The following TBC1D9 variants were observed in gnomAD, a reference collection of about 807,000 sequenced individuals.
TBC1D9 encodes TBC1 domain family member 9, also known as TBC1 domain family member 9A.
TBC1D9 carries 63 observed loss-of-function variants against 132.0 expected under a neutral mutation model. The observed-to-expected ratio is 0.48, with a 90% CI of 0.39 to 0.59. TBC1D9 has a LOEUF of 0.59. Ranked by LOEUF, TBC1D9 falls within the 20% of genes least tolerant of loss-of-function variation. The probability of loss-of-function intolerance (pLI) is 0.00; values close to 1 mark genes in which losing one functional copy is unlikely to be tolerated. For synonymous variants in TBC1D9, 610 were observed against 609.9 expected (o/e 1.00, Z 0.00); for missense variants, 1,261 against 1,592.7 (o/e 0.79, Z 3.54).
At chr4:140,684,424 T>C (rs1476620232) in intron 3 of TBC1D9, among the ~76,000 whole-genome samples, 1 of 152,118 alleles carries the variant, frequency 6.6e-6, no homozygotes, top group Non-Finnish European at 1.5e-5. Flanking sequence ...ATGTGAATGC[T>C]TAAACCATTC....
intron 5 of TBC1D9, among the ~76,000 whole-genome samples, chr4:140,678,382 C>T (rs1484433114): frequency 6.6e-6 from 1 of 152,158 alleles, no homozygotes; most frequent in Non-Finnish European, 1.5e-5. Flanking sequence ...AGGGTAATTC[C>T]AGGCACATGG....
chr4:140,678,866 A>T (rs962495920), intron 5 of TBC1D9, 76 bp downstream of exon 5: 7 of 1,506,776 alleles, frequency 4.6e-6, no homozygotes, highest in Non-Finnish European at 6.3e-6. Context: ...ATCGTCAGAG[A>T]AGGTTACACT....
intron 3 of TBC1D9, among the ~76,000 whole-genome samples, chr4:140,685,105 A>G (rs1170655646): frequency 6.6e-6 from 1 of 152,180 alleles, no homozygotes; most frequent in African/African-American, 2.4e-5. Flanking sequence ...TAAAATCACC[A>G]TCTTGTAAAC....
intron 2 of TBC1D9, among the ~76,000 whole-genome samples, chr4:140,687,391 T>C (rs1240983200): frequency 3.7e-5 from 3 of 80,328 alleles, no homozygotes; most frequent in Non-Finnish European, 7.3e-5. Flanking sequence ...TATATATATA[T>C]ATATAAACAT....
chr4:140,679,841 G>T lies in TBC1D9; in HGVS notation c.363C>A (p.Gly121=). The T allele has an allele frequency of 6.2e-7, 1 of 1,609,432 alleles. No individual in the cohort carries two copies. The highest frequency in any genetic ancestry group is 8.5e-7 in the Non-Finnish European group (1 of 1,177,400). Residue 121 remains glycine, a splice_region_variant and synonymous_variant, in exon 4 of 21, where the codon GGC becomes GGA. Coordinates refer to ENST00000442267, the MANE Select transcript of TBC1D9 (RefSeq NM_015130.3). Reference sequence around the variant, plus strand: ...TGATTTTGTTGTATTCTGCAATGATGCCCTAATAAGGAATAAAACACAAAG... The same window carrying T: ...TGATTTTGTTGTATTCTGCAATGATTCCCTAATAAGGAATAAAACACAAAG... ...ITTFVRGKIQ[G]IIAEYNKIND...
intron 1 of TBC1D9, among the ~76,000 whole-genome samples, chr4:140,722,265 AAG>A (rs887871957): frequency 6.6e-6 from 1 of 152,056 alleles, no homozygotes; most frequent in African/African-American, 2.4e-5. Context: ...CCATTAATGA[AAG>A]AGGGGGAAAA....
chr4:140,663,025 G>A (rs1737388599), intron 9 of TBC1D9, among the ~76,000 whole-genome samples: 1 of 152,118 alleles, frequency 6.6e-6, no homozygotes, highest in African/African-American at 2.4e-5. Context: ...GACACCAATA[G>A]CACGGGCAGC....
intron 16 of TBC1D9, 62 bp from the exon 17 acceptor site, chr4:140,628,427 G>A (rs1736741560): frequency 6.9e-7 from 1 of 1,444,196 alleles, no homozygotes; most frequent in Non-Finnish European, 9.7e-7. Flanking sequence ...TCCAGGCCTA[G>A]TGTTCCTCTA....
chr4:140,675,356 A>C (rs1162106168), intron 6 of TBC1D9, among the ~76,000 whole-genome samples: 1 of 152,220 alleles, frequency 6.6e-6, no homozygotes, highest in Non-Finnish European at 1.5e-5. Context: ...TCCTTTGCTA[A>C]AGGGATGTTA....
intron 3 of TBC1D9, among the ~76,000 whole-genome samples, chr4:140,684,750 A>G (rs928656874): frequency 6.6e-6 from 1 of 151,208 alleles, no homozygotes. Flanking sequence ...GAATTGCTTG[A>G]ACCCAGGAGG....
chr4:140,644,670 C>T (rs571450718), intron 13 of TBC1D9: 10 of 421,012 alleles, frequency 2.4e-5, no homozygotes, highest in South Asian at 1.8e-4. Flanking sequence ...GGGCCGCCCG[C>T]TGCTGCAGGT....
intron 13 of TBC1D9, chr4:140,642,407 C>A (rs991989648): frequency 1.8e-5 from 16 of 869,002 alleles, no homozygotes; most frequent in Non-Finnish European, 2.7e-5. Context: ...AGGCCCTTGG[C>A]CAGCACCTTC....
intron 1 of TBC1D9, among the ~76,000 whole-genome samples, chr4:140,722,188 G>A (rs993987077): frequency 6.6e-6 from 1 of 152,098 alleles, no homozygotes; most frequent in Non-Finnish European, 1.5e-5. Flanking sequence ...CAAATGGCAT[G>A]GAAACAAGGA....
chr4:140,681,087 C>T (rs752555066), intron 3 of TBC1D9, among the ~76,000 whole-genome samples: 5 of 152,136 alleles, frequency 3.3e-5, no homozygotes, highest in East Asian at 1.9e-4. Flanking sequence ...CAACCAATGC[C>T]GCAACTTTTT....
intron 16 of TBC1D9, 146 bp downstream of exon 16, chr4:140,633,802 C>T: frequency 1.1e-6 from 1 of 904,146 alleles, no homozygotes; most frequent in Non-Finnish European, 1.6e-6. Flanking sequence ...AACGATTTAT[C>T]CATATACTAT....
intron 13 of TBC1D9, among the ~76,000 whole-genome samples, chr4:140,641,290 G>T (rs1471876620): frequency 6.6e-6 from 1 of 152,134 alleles, no homozygotes; most frequent in Non-Finnish European, 1.5e-5. Flanking sequence ...CTTTTGATCT[G>T]AGTAAACAGT....
intron 13 of TBC1D9, chr4:140,643,366 G>A (rs1578820819): frequency 7.7e-7 from 1 of 1,297,530 alleles, no homozygotes; most frequent in East Asian, 2.5e-5. Flanking sequence ...CCTGGGGAGG[G>A]CAGAGGCCTG....
In TBC1D9 at chr4:140,642,768, G is replaced by A. The variant is rs111881091; in HGVS notation, c.2338-3340C>T. ...CCCAGCTCATAGTCATCTGATGTCG[G>A]CAGAGATTTGCTGCTCAGCTTTCCG... On this transcript the variant is annotated intron_variant, in intron 13 of 20. Coordinates refer to ENST00000442267, the MANE Select transcript of TBC1D9 (RefSeq NM_015130.3). 20 of 640,988 alleles carry A rather than the reference G, an allele frequency of 3.1e-5. 1 individual carries two copies. Among genetic ancestry groups the A allele is most frequent in the African/African-American group, 2.0e-4 (11 of 55,002 alleles). 39.7% of individuals were successfully genotyped at this position (640,988 alleles called of 1,614,324 possible). A position where few individuals can be genotyped will look rare whatever the true frequency, so the allele number is the denominator to read the frequency against.
rs1736637283 is a variant in TBC1D9 at position 140,622,673 on chromosome 4, TCCA to T, written c.3320_3322del (p.Val1107del). 1 of 1,610,776 alleles carries T rather than the reference TCCA, an allele frequency of 6.2e-7. No individual in the cohort carries two copies. Among genetic ancestry groups the T allele is most frequent in the African/African-American group, 1.3e-5 (1 of 74,924 alleles). On this transcript the variant is annotated inframe_deletion, in exon 21 of 21. Transcript: ENST00000442267. Reference sequence around the variant, plus strand: ...GCTGGCCGGCAGGGGCTCAACAGACTCCACCACGTAAGGCTGGCCTGGCCCTTT... The same window carrying T: ...GCTGGCCGGCAGGGGCTCAACAGACTCCACGTAAGGCTGGCCTGGCCCTTT...
Sources: allele counts gnomAD v4.1 joint callset (sites outside exome capture counted in the v4.1 genomes callset), GRCh38; gene constraint gnomAD v4.1.1; transcripts MANE v1.5; gene names NCBI Gene and HGNC (gene_info 2026-07-23, HGNC 2026-07-21).